FNTA: variants seen among roughly 807,000 people sequenced by gnomAD.
FNTA encodes the protein farnesyltransferase, CAAX box, subunit alpha.
In FNTA, 27 loss-of-function variants were observed where a neutral mutation model predicts 55.2. That is an observed-to-expected ratio of 0.49 (90% CI 0.36 to 0.67). The LOEUF (loss-of-function observed/expected upper bound fraction) is 0.67. Among genes scored for constraint, FNTA ranks in the 30% least tolerant of loss-of-function variants. The probability of loss-of-function intolerance (pLI) is 0.00; values close to 1 mark genes in which losing one functional copy is unlikely to be tolerated. For synonymous variants in FNTA, 176 were observed against 170.7 expected (o/e 1.03, Z -0.24); for missense variants, 422 against 464.7 (o/e 0.91, Z 0.85).
Position 43,072,249 on chromosome 8 carries a change from T to C in FNTA, c.575T>C (p.Ile192Thr), listed in dbSNP as rs763662226. The C allele has an allele frequency of 6.9e-6, 11 of 1,592,064 alleles. No homozygotes were observed. Among genetic ancestry groups the C allele is most frequent in the Middle Eastern group, 1.7e-4 (1 of 6,000 alleles). ...PSQELEFIAD[I>T]LNQDAKNYHA... Reference sequence around the variant, plus strand: ...CAGGAGCTTGAATTTATTGCTGATATTCTTAATCAGGATGCAAAGAATTAT... The same window carrying C: ...CAGGAGCTTGAATTTATTGCTGATACTCTTAATCAGGATGCAAAGAATTAT... Residue 192 changes from isoleucine to threonine, a missense_variant, in exon 5 of 9, where the codon ATT (isoleucine) becomes ACT (threonine). Coordinates refer to ENST00000302279, the MANE Select transcript of FNTA (RefSeq NM_002027.3).
chr8:43,067,012 T>C (rs1478510247), intron 3 of FNTA, among the ~76,000 whole-genome samples: 1 of 152,226 alleles, frequency 6.6e-6, no homozygotes, highest in Non-Finnish European at 1.5e-5. Context: ...CTTATCCTGT[T>C]GTAATTTGAA....
At chr8:43,060,435 G>A (rs894528284) in intron 2 of FNTA, among the ~76,000 whole-genome samples, 1 of 152,138 alleles carries the variant, frequency 6.6e-6, no homozygotes, top group Non-Finnish European at 1.5e-5. Flanking sequence ...AGTACTTTGG[G>A]AGGCTGAGGT....
intron 6 of FNTA, chr8:43,080,537 T>A (rs895822135): frequency 1.3e-5 from 2 of 152,254 alleles, no homozygotes; most frequent in Non-Finnish European, 2.9e-5. Context: ...AGAAAAGTCG[T>A]GTGACTTGCT....
intron 5 of FNTA, chr8:43,076,630 C>T (rs1220669554): frequency 6.6e-6 from 1 of 152,194 alleles, no homozygotes; most frequent in Admixed American, 6.5e-5. Flanking sequence ...GTAATCCCAG[C>T]ACTTTAGGAG....
At chr8:43,075,103 A>G (rs1283101788) in intron 5 of FNTA, among the ~76,000 whole-genome samples, 2 of 152,328 alleles carry the variant, frequency 1.3e-5, no homozygotes, top group African/African-American at 4.8e-5. Context: ...AAACATATGT[A>G]TAGAAAACAC....
chr8:43,056,337 C>T lies in FNTA; in HGVS notation c.-10C>T. ...CCTCCGCCACCACCTCAGCTGCGGA[C>T]CGAGGCGAGATGGCGGCCACCGAGG... On this transcript the variant is annotated 5_prime_UTR_variant, in exon 1 of 9. Transcript: ENST00000302279. 2 of 1,408,352 alleles carry T rather than the reference C, an allele frequency of 1.4e-6. No homozygotes were observed. The highest frequency in any genetic ancestry group is 1.6e-5 in the South Asian group (1 of 64,402). The allele number at this position is 1,408,352 out of a possible 1,614,324, so 87.2% of individuals were successfully genotyped here. A position where few individuals can be genotyped will look rare whatever the true frequency, so the allele number is the denominator to read the frequency against.
intron 7 of FNTA, among the ~76,000 whole-genome samples, chr8:43,083,683 C>T (rs1003626295): frequency 6.6e-6 from 1 of 152,186 alleles, no homozygotes. Flanking sequence ...AAACTAGGCT[C>T]AAAGAGCACA....
intron 3 of FNTA, among the ~76,000 whole-genome samples, chr8:43,065,941 C>T (rs1394313722): frequency 6.6e-6 from 1 of 151,306 alleles, no homozygotes; most frequent in African/African-American, 2.5e-5. Flanking sequence ...TTTTAAAACT[C>T]TTTTTCTGTT....
At chr8:43,077,141 T>C (rs1810930708) in intron 5 of FNTA, 75 bp from the exon 6 acceptor site, 3 of 1,046,658 alleles carry the variant, frequency 2.9e-6, no homozygotes. Flanking sequence ...TTCTTTGTTG[T>C]AGTTTTAATT....
Position 43,069,538 on chromosome 8 carries a change from T to C in FNTA, c.402-17T>C. ...CTGTGTAATAATGCGACTTTGGATG[T>C]TGTATGTTTGCCCTAGGCATTTCCG... is the stretch of plus-strand genomic sequence containing the variant. On this transcript the variant is annotated splice_polypyrimidine_tract_variant and intron_variant, in intron 3 of 8. Coordinates refer to ENST00000302279, the MANE Select transcript of FNTA (RefSeq NM_002027.3). The C allele has an allele frequency of 6.6e-7, 1 of 1,506,822 alleles. No homozygotes were observed. The highest frequency in any genetic ancestry group is 9.2e-7 in the Non-Finnish European group (1 of 1,083,840). 93.3% of individuals were successfully genotyped at this position (1,506,822 alleles called of 1,614,324 possible). A position where few individuals can be genotyped will look rare whatever the true frequency, so the allele number is the denominator to read the frequency against.
At chr8:43,074,575 A>C (rs1039765348) in intron 5 of FNTA, among the ~76,000 whole-genome samples, 1 of 151,714 alleles carries the variant, frequency 6.6e-6, no homozygotes, top group Non-Finnish European at 1.5e-5. Flanking sequence ...ACACACTACT[A>C]CTCACCAGTC....
chr8:43,058,175 T>A (rs1230587916), intron 1 of FNTA, among the ~76,000 whole-genome samples: 1 of 152,036 alleles, frequency 6.6e-6, no homozygotes, highest in Non-Finnish European at 1.5e-5. Context: ...AATACCCTTC[T>A]AAGGTTGGTA....
At chr8:43,078,863 A>G (rs929367011) in intron 6 of FNTA, 5 of 152,292 alleles carry the variant, frequency 3.3e-5, no homozygotes, top group African/African-American at 7.2e-5. Context: ...CTTGAAGGAA[A>G]TTAAAAGTGC....
At position 43,058,372 on chromosome 8, in the gene FNTA, A is replaced by G. The variant is rs184116458; in HGVS notation, c.201-720A>G. On this transcript the variant is annotated intron_variant, in intron 1 of 8. Coordinates refer to ENST00000302279, the MANE Select transcript of FNTA (RefSeq NM_002027.3). ...GAGTAAATTAATAGTACTTATTTTT[A>G]TCTTAAAATGTCAATTCCTAGTATT... 1.6e-3 allele frequency among the ~76,000 whole-genome samples: 237 copies of G among 152,218 alleles called. 1 individual carries two copies. Among genetic ancestry groups the G allele is most frequent in the African/African-American group, 5.3e-3 (222 of 41,532 alleles).
intron 3 of FNTA, among the ~76,000 whole-genome samples, chr8:43,068,114 T>C (rs1411145128): frequency 6.6e-6 from 1 of 152,104 alleles, no homozygotes; most frequent in Non-Finnish European, 1.5e-5. Flanking sequence ...GTTAGCCAGG[T>C]CTCAAACTCC....
intron 5 of FNTA, among the ~76,000 whole-genome samples, chr8:43,075,963 G>C (rs1563329446): frequency 6.6e-6 from 1 of 151,688 alleles, no homozygotes; most frequent in Admixed American, 6.6e-5. Flanking sequence ...TAAACTCCGG[G>C]GCTCAAGTGA....
chr8:43,057,347 ATGAGTAG>A (rs1377407242), intron 1 of FNTA: 1 of 152,204 alleles, frequency 6.6e-6, no homozygotes, highest in Non-Finnish European at 1.5e-5. Flanking sequence ...GATTTTGTGA[ATGAGTAG>A]AAGTCACTAC....
intron 6 of FNTA, chr8:43,081,082 CAGAT>C (rs565552722): frequency 2.6e-5 from 4 of 151,822 alleles, no homozygotes; most frequent in Non-Finnish European, 5.9e-5. Context: ...TAAGCATACA[CAGAT>C]AGATGTACAT....
chr8:43,072,561 T>C (rs1371391750), intron 5 of FNTA, among the ~76,000 whole-genome samples: 1 of 151,960 alleles, frequency 6.6e-6, no homozygotes, highest in African/African-American at 2.4e-5. Flanking sequence ...CCCCCGTCTC[T>C]ACAAAAAATA....
Sources: allele counts gnomAD v4.1 joint callset (sites outside exome capture counted in the v4.1 genomes callset), GRCh38; gene constraint gnomAD v4.1.1; transcripts MANE v1.5; gene names NCBI Gene and HGNC (gene_info 2026-07-23, HGNC 2026-07-21).